The following PIP5K1A variants were observed in gnomAD, a reference collection of about 807,000 sequenced individuals.
PIP5K1A encodes the protein phosphatidylinositol 4-phosphate 5-kinase type-1 alpha.
PIP5K1A carries 46 observed loss-of-function variants against 72.9 expected under a neutral mutation model. The observed-to-expected ratio is 0.63, with a 90% confidence interval of 0.50 to 0.81. The LOEUF is 0.81. Among genes scored for constraint, PIP5K1A ranks in the 30% least tolerant of loss-of-function variants. The pLI, the probability that PIP5K1A is intolerant of heterozygous loss-of-function variation, is 0.00. For missense variants in PIP5K1A, 458 were observed against 706.1 expected, an observed-to-expected ratio of 0.65 and a Z score of 3.98; for synonymous variants, 228 against 255.1, an observed-to-expected ratio of 0.89 and a Z score of 1.01.
Position 151,242,533 on chromosome 1 carries a change from C to G in PIP5K1A, c.1606C>G (p.Leu536Val), listed in dbSNP as rs1184193329. The G allele has an allele frequency of 6.2e-7, 1 of 1,613,532 alleles. No homozygotes were observed. Among genetic ancestry groups the G allele is most frequent in the East Asian group, 2.2e-5 (1 of 44,898 alleles). ...SPIPDPSFSP[L>V]VGETLQMLTT... is the part of the protein sequence containing the mutation. ...TATTCCTGACCCCAGTTTCTCACCT[C>G]TAGTTGGAGAGACTTTGCAAATGCT... The change falls in exon 14 of 16, where the codon CTA becomes GTA. Residue 536 changes from leucine (L) to valine (V), a missense_variant. Physicochemically the swap from Leu to Val is conservative, Grantham distance 32. Coordinates refer to ENST00000368888, the MANE Select transcript of PIP5K1A (RefSeq NM_001135638.2).
intron 9 of PIP5K1A, among the ~76,000 whole-genome samples, chr1:151,237,089 C>T (rs776449098): frequency 4.6e-5 from 7 of 152,184 alleles, no homozygotes; most frequent in South Asian, 4.1e-4. Context: ...CTTGGCCTCC[C>T]GTAGTGCAGG....
intron 3 of PIP5K1A, 57 bp from the exon 4 acceptor site, chr1:151,227,263 G>GGTAGC: frequency 1.0e-6 from 1 of 966,656 alleles, no homozygotes; most frequent in Middle Eastern, 2.1e-4. Flanking sequence ...GTACCATTGT[G>GGTAGC]GTAGCTATTT....
chr1:151,243,190 G>T (rs1265670771), intron 14 of PIP5K1A, among the ~76,000 whole-genome samples: 1 of 152,220 alleles, frequency 6.6e-6, no homozygotes, highest in Non-Finnish European at 1.5e-5. Flanking sequence ...GTCATAGTCT[G>T]CTCTCTGGTC....
intron 12 of PIP5K1A, among the ~76,000 whole-genome samples, chr1:151,241,444 C>T (rs1691683618): frequency 1.3e-5 from 2 of 150,926 alleles, no homozygotes; most frequent in Admixed American, 1.3e-4. Context: ...GCGGAGCTTG[C>T]AGTGAGCCAA....
Position 151,219,783 on chromosome 1 carries a change from C to T in PIP5K1A, c.86-4462C>T, listed in dbSNP as rs912406005. 4.0e-5 allele frequency among the ~76,000 whole-genome samples: 6 copies of T among 151,476 alleles called. No homozygotes were observed. The South Asian group carries it at 8.4e-4, about 21-fold the overall frequency. ...CTTTGGGAGGCTGAGGTGGAAGGAT[C>T]GCTTGAGCCCAGGCATTCAAGACCA... On this transcript the variant is annotated intron_variant, in intron 1 of 15. Transcript: ENST00000368888.
chr1:151,211,737 C>T (rs587753580), intron 1 of PIP5K1A, among the ~76,000 whole-genome samples: 5 of 149,752 alleles, frequency 3.3e-5, no homozygotes, highest in Non-Finnish European at 7.4e-5. Context: ...ACCCGGGAGG[C>T]GGAGCTTGCA....
intron 1 of PIP5K1A, among the ~76,000 whole-genome samples, chr1:151,203,231 A>G (rs1253728744): frequency 6.6e-6 from 1 of 152,108 alleles, no homozygotes; most frequent in Admixed American, 6.6e-5. Flanking sequence ...TGACTTCCTC[A>G]AGGAAAAGCA....
At position 151,231,760 on chromosome 1, in the gene PIP5K1A, C is replaced by T. The variant is rs138150984; in HGVS notation, c.327C>T (p.Leu109=). 1.9e-6 allele frequency: 3 copies of T among 1,613,744 alleles called. No individual in the cohort carries two copies. Among genetic ancestry groups the T allele is most frequent in the Non-Finnish European group, 2.5e-6 (3 of 1,179,786 alleles). The part of the protein sequence containing the change: ...SLSTKPERDV[L]MQDFYVVESI... ...GTACCAAACCAGAGCGTGATGTCCT[C>T]ATGCAAGATTTCTACGTGGTTGAGA... Residue 109 remains leucine (L), a synonymous_variant, in exon 5 of 16, where the codon CTC becomes CTT. Transcript: ENST00000368888.
At chr1:151,211,805 C>T (rs1177754802) in intron 1 of PIP5K1A, among the ~76,000 whole-genome samples, 1 of 138,094 alleles carries the variant, frequency 7.2e-6, no homozygotes, top group Non-Finnish European at 1.5e-5. Flanking sequence ...GAGTCTGTCT[C>T]AAAAAAGAAA....
chr1:151,220,746 C>T lies in PIP5K1A; in HGVS notation c.86-3499C>T, dbSNP rs190596163. On this transcript the variant is annotated intron_variant, in intron 1 of 15. Coordinates refer to ENST00000368888, the MANE Select transcript of PIP5K1A (RefSeq NM_001135638.2). ...CCTTCCAAAGTGCTGGGATTACAGG[C>T]GTGAGCCACTTTACCTGGCCTATCA... Among the ~76,000 whole-genome samples, 318 of 152,324 alleles carry T rather than the reference C, an allele frequency of 2.1e-3. 1 individual carries two copies. The highest frequency in any genetic ancestry group is 1.7e-3 in the Non-Finnish European group (117 of 68,016).
Position 151,248,011 on chromosome 1 carries a change from C to T in PIP5K1A, c.*146C>T. 1 of 724,324 alleles carries T rather than the reference C, an allele frequency of 1.4e-6. No homozygotes were observed. The highest frequency in any genetic ancestry group is 1.5e-5 in the South Asian group (1 of 65,726). The allele number at this position is 724,324 out of a possible 1,614,324, so 44.9% of individuals were successfully genotyped here. A position where few individuals can be genotyped will look rare whatever the true frequency, so the allele number is the denominator to read the frequency against. On this transcript the variant is annotated 3_prime_UTR_variant, in exon 16 of 16. Transcript: ENST00000368888. ...GAAGTGAGGGGAGCTGCTCCTCCAT[C>T]TTCTTCCTGAAGAAGAACCTTCTCT...
At chr1:151,200,049 G>T (rs587707132) in intron 1 of PIP5K1A, among the ~76,000 whole-genome samples, 1 of 152,020 alleles carries the variant, frequency 6.6e-6, no homozygotes, top group African/African-American at 2.4e-5. Context: ...TGGAAATTTT[G>T]AAGAGAGTCT....
chr1:151,222,151 T>C, intron 1 of PIP5K1A, among the ~76,000 whole-genome samples: 1 of 152,220 alleles, frequency 6.6e-6, no homozygotes. Flanking sequence ...TTTTCTCTTC[T>C]GTTCATTGGT....
At chr1:151,209,972 C>T (rs1173226763) in intron 1 of PIP5K1A, among the ~76,000 whole-genome samples, 1 of 151,982 alleles carries the variant, frequency 6.6e-6, no homozygotes, top group Admixed American at 6.6e-5. Context: ...CAATCTCTGC[C>T]TCCTGGGTTC....
chr1:151,202,701 T>G (rs1685370171), intron 1 of PIP5K1A, among the ~76,000 whole-genome samples: 1 of 151,864 alleles, frequency 6.6e-6, no homozygotes, highest in Non-Finnish European at 1.5e-5. Context: ...ACTCCTGACC[T>G]CAGGTGATCC....
intron 1 of PIP5K1A, chr1:151,216,076 A>G: frequency 1.3e-6 from 1 of 777,800 alleles, no homozygotes; most frequent in South Asian, 1.4e-5. Flanking sequence ...TCTTCCCCAT[A>G]ACAGTTGCAG....
chr1:151,220,363 C>T (rs1366814259), intron 1 of PIP5K1A, among the ~76,000 whole-genome samples: 2 of 151,996 alleles, frequency 1.3e-5, no homozygotes, highest in Non-Finnish European at 2.9e-5. Context: ...TCCAGACTTG[C>T]TTTATTTTCT....
chr1:151,201,640 C>G (rs1310833941), intron 1 of PIP5K1A, among the ~76,000 whole-genome samples: 1 of 151,970 alleles, frequency 6.6e-6, no homozygotes, highest in South Asian at 2.1e-4. Context: ...ACAGGCATAT[C>G]GCAAGGTCAG....
At position 151,232,235 on chromosome 1, in the gene PIP5K1A, T is replaced by C; in HGVS notation, c.369-13T>C. 1 of 1,580,878 alleles carries C rather than the reference T, an allele frequency of 6.3e-7. No individual in the cohort carries two copies. Among genetic ancestry groups the C allele is most frequent in the Non-Finnish European group, 8.7e-7 (1 of 1,149,678 alleles). On this transcript the variant is annotated splice_polypyrimidine_tract_variant and intron_variant, in intron 5 of 15. Coordinates refer to ENST00000368888, the MANE Select transcript of PIP5K1A (RefSeq NM_001135638.2). ...GACTGGCAAGTTATGGCTACCTCTG[T>C]TTAACCCCACAGTGAAGGGAGCAAC...
Sources: gnomAD v4.1 joint callset for allele counts (sites outside exome capture counted in the v4.1 genomes callset) on GRCh38, gnomAD v4.1.1 for gene constraint, MANE v1.5 for transcripts, NCBI Gene and HGNC (gene_info 2026-07-23, HGNC 2026-07-21) for gene names.